Variants in LMF1 observed in about 807,000 individuals in gnomAD.
The protein encoded by LMF1 is lipase maturation factor 1, also known as transmembrane protein 112.
In LMF1, 68 loss-of-function variants were observed where a neutral mutation model predicts 60.6. That is an observed-to-expected ratio of 1.12 (90% confidence interval 0.92 to 1.37). The LOEUF is 1.37. Among genes scored for constraint, LMF1 ranks in the 40% most tolerant of loss-of-function variants. The pLI, the probability that LMF1 is intolerant of heterozygous loss-of-function variation, is 0.00. For missense variants in LMF1, 948 were observed against 767.2 expected (o/e 1.24, Z -2.78); for synonymous variants, 418 against 324.7 (o/e 1.29, Z -3.09).
intron 5 of LMF1, among the ~76,000 whole-genome samples, chr16:888,109 C>T (rs761140830): frequency 5.9e-5 from 9 of 152,242 alleles, no homozygotes; most frequent in Non-Finnish European, 1.0e-4. Context: ...TTCTCCACGA[C>T]GTCGGCCCAA....
intron 1 of LMF1, among the ~76,000 whole-genome samples, chr16:967,377 T>C (rs532728174): frequency 4.6e-4 from 70 of 152,354 alleles, no homozygotes; most frequent in African/African-American, 1.6e-3. Context: ...TGAGGGATTC[T>C]GGCCAGGCTG....
rs111784866 is a variant in LMF1, at chr16:916,620, C to T, written c.515-5541G>A. Among the ~76,000 whole-genome samples the T allele has an allele frequency of 3.3e-3, 501 of 152,284 alleles. 4 individuals are homozygous for T. The highest frequency in any genetic ancestry group is 0.011 in the African/African-American group (469 of 41,556). ...GGGCTGGGCACTGGTAGGCCACACCCACATGGCCCCGGGACACCAGGTGGC... is the reference window on the plus strand; with the variant it reads ...GGGCTGGGCACTGGTAGGCCACACCTACATGGCCCCGGGACACCAGGTGGC... On this transcript the variant is annotated intron_variant, in intron 3 of 10. Coordinates refer to ENST00000262301, the MANE Select transcript of LMF1 (RefSeq NM_022773.4).
chr16:922,752 G>A (rs2071472210), intron 3 of LMF1, among the ~76,000 whole-genome samples: 2 of 130,728 alleles, frequency 1.5e-5, no homozygotes, highest in African/African-American at 3.2e-5. Context: ...TGTTGGCGTC[G>A]TGTTGTTGCG....
intron 5 of LMF1, among the ~76,000 whole-genome samples, chr16:880,055 C>T (rs933732751): frequency 5.3e-5 from 8 of 152,186 alleles, no homozygotes; most frequent in African/African-American, 7.2e-5. Flanking sequence ...CACAGGCAGT[C>T]GGAGAACAGG....
rs767415527 is a variant in LMF1 at position 854,591 on chromosome 16, G to C, written c.1645C>G (p.Leu549Val). ...RIGAYFPPLS[L>V]EELRPYFRDR... ...CTGAAGTAGGGCCTCAGCTCCTCCAGGCTGAGCGGAGGGAAGTAGGCTCCG... is the reference window on the plus strand; with the variant it reads ...CTGAAGTAGGGCCTCAGCTCCTCCACGCTGAGCGGAGGGAAGTAGGCTCCG... Residue 549 changes from leucine (L) to valine (V), a missense_variant, in exon 11 of 11, where the codon CTG (leucine) becomes GTG (valine). By Grantham distance (32) the Leu-to-Val change is conservative. Transcript: ENST00000262301. The C allele has an allele frequency of 3.0e-5, 49 of 1,607,154 alleles. No individual in the cohort carries two copies. Among genetic ancestry groups the C allele is most frequent in the Non-Finnish European group, 4.0e-5 (47 of 1,178,370 alleles).
chr16:869,122 G>T, intron 9 of LMF1, 66 bp from the exon 10 acceptor site: 18 of 1,033,778 alleles, frequency 1.7e-5, no homozygotes, highest in Non-Finnish European at 2.8e-5. Context: ...CCCTCCGGAC[G>T]CTCGGCTGTG....
chr16:956,176 A>C (rs2072698671), intron 1 of LMF1, among the ~76,000 whole-genome samples: 1 of 122,934 alleles, frequency 8.1e-6, no homozygotes, highest in Non-Finnish European at 1.6e-5. Flanking sequence ...CGCCCACCCC[A>C]CGACGGCTCT....
intron 2 of LMF1, 47 bp downstream of exon 2, chr16:954,310 A>G (rs753248963): frequency 1.9e-6 from 3 of 1,560,254 alleles, no homozygotes; most frequent in Non-Finnish European, 1.8e-6. Context: ...GCCTGTGCTG[A>G]GTGACAGCAA....
At chr16:870,694 C>T (rs2069757070) in intron 8 of LMF1, 35 bp downstream of exon 8, 1 of 1,610,546 alleles carries the variant, frequency 6.2e-7, no homozygotes, top group Non-Finnish European at 8.5e-7. Context: ...TCCCCATATA[C>T]CCAGCTCCGG....
At chr16:898,335 C>T (rs377470378) in intron 4 of LMF1, among the ~76,000 whole-genome samples, 53 of 152,356 alleles carry the variant, frequency 3.5e-4, no homozygotes, top group African/African-American at 8.7e-4. Context: ...AGCTGACAGT[C>T]GGGCCGCCGC....
Position 888,828 on chromosome 16 carries a change from C to T in LMF1, c.729+4179G>A, listed in dbSNP as rs568477389. On this transcript the variant is annotated intron_variant, in intron 5 of 10. Transcript: ENST00000262301. ...TTTAGGGACAGCTACATGGGGACCC[C>T]GGGAGAGGGATGCACAGGTGGGCAG... Among the ~76,000 whole-genome samples, 17 of 152,256 alleles carry T rather than the reference C, an allele frequency of 1.1e-4. No individual in the cohort carries two copies. The South Asian group carries it at 1.2e-3, about 11-fold the overall frequency.
At chr16:923,537 G>T (rs1337677973) in intron 3 of LMF1, among the ~76,000 whole-genome samples, 3 of 152,184 alleles carry the variant, frequency 2.0e-5, no homozygotes, top group Admixed American at 2.0e-4. Flanking sequence ...CTTGAGCCCA[G>T]TAGGTTGAGA....
chr16:968,079 C>G (rs975584933), intron 1 of LMF1, among the ~76,000 whole-genome samples: 10 of 152,216 alleles, frequency 6.6e-5, no homozygotes, highest in Admixed American at 6.5e-4. Flanking sequence ...GTATGCACGT[C>G]TGTGTGCAGT....
At chr16:870,697 A>C (rs755479825) in intron 8 of LMF1, 32 bp downstream of exon 8, 107 of 1,610,736 alleles carry the variant, frequency 6.6e-5, no homozygotes, top group Non-Finnish European at 9.0e-5. Flanking sequence ...CCATATACCC[A>C]GCTCCGGGGG....
intron 6 of LMF1, chr16:872,364 A>C (rs1286211884): frequency 6.6e-6 from 1 of 152,252 alleles, no homozygotes; most frequent in African/African-American, 2.4e-5. Flanking sequence ...GAGGGCAGCC[A>C]CATCAGTGTT....
rs565040028 is a variant in LMF1 at position 976,441 on chromosome 16, C to T, written c.-135+4704G>A. On this transcript the variant is annotated intron_variant, in intron 1 of 6. Transcript: ENST00000570014. ...CAGGATTTACTGCCACCAACGGAAG[C>T]GTTGATTCCAAGTCTCAGACACCGC... 100 of 454,102 alleles carry T rather than the reference C, an allele frequency of 2.2e-4. 4 individuals are homozygous for T. Among genetic ancestry groups the T allele is most frequent in the South Asian group, 1.3e-3 (81 of 64,478 alleles). The allele number at this position is 454,102 out of a possible 1,614,324, so 28.1% of individuals were successfully genotyped here.
chr16:915,751 G>A (rs1171346885), intron 3 of LMF1, among the ~76,000 whole-genome samples: 3 of 152,260 alleles, frequency 2.0e-5, no homozygotes, highest in African/African-American at 7.2e-5. Context: ...GCCAGCAGCC[G>A]TGTGGGACGA....
intron 5 of LMF1, among the ~76,000 whole-genome samples, chr16:886,477 G>GCC (rs1438265114): frequency 3.3e-5 from 5 of 151,426 alleles, no homozygotes; most frequent in Non-Finnish European, 7.4e-5. Flanking sequence ...TTTGAACCGC[G>GCC]CCCGGCCAAA....
chr16:897,538 G>A lies in LMF1; in HGVS notation c.664-4466C>T, dbSNP rs988463532. On this transcript the variant is annotated intron_variant, in intron 4 of 10. Transcript: ENST00000262301. The surrounding 1 kb of genome is among the most constrained non-coding windows in gnomAD (Gnocchi z 4.3). ...ATTACTCGCGACAGGTCCTGCCTCC[G>A]CAGGAGAGACTCAAAGGGGAGAGCT... Among the ~76,000 whole-genome samples the A allele has an allele frequency of 7.9e-5, 12 of 152,302 alleles. No individual in the cohort carries two copies. Among genetic ancestry groups the A allele is most frequent in the East Asian group, 1.9e-4 (1 of 5,182 alleles).
Sources: gnomAD v4.1 joint callset for allele counts (sites outside exome capture counted in the v4.1 genomes callset) on GRCh38, gnomAD v4.1.1 for gene constraint, Gnocchi (gnomAD v3.1) non-coding constraint, MANE v1.5 for transcripts, NCBI Gene and HGNC (gene_info 2026-07-23, HGNC 2026-07-21) for gene names.